Variants in CHCHD2 observed in about 807,000 individuals in gnomAD.
CHCHD2 encodes coiled-coil-helix-coiled-coil-helix domain containing 2.
In CHCHD2, 17 loss-of-function variants were observed where a neutral mutation model predicts 17.5. The ratio of observed to expected loss-of-function variants is 0.97; its 90% CI spans 0.67 to 1.46. The LOEUF (loss-of-function observed/expected upper bound fraction) is 1.46. Among genes scored for constraint, CHCHD2 ranks in the 40% most tolerant of loss-of-function variants. CHCHD2 has a pLI of 0.00. For missense variants in CHCHD2, 175 were observed against 199.9 expected (o/e 0.88, Z 0.75); for synonymous variants, 63 against 74.3 (o/e 0.85, Z 0.78).
chr7:56,103,592 C>T (rs1389483012), intron 2 of CHCHD2, among the ~76,000 whole-genome samples: 1 of 152,110 alleles, frequency 6.6e-6, no homozygotes, highest in Non-Finnish European at 1.5e-5. Flanking sequence ...CCGTTCCCAG[C>T]CAAAAGTGAA....
intron 1 of CHCHD2, among the ~76,000 whole-genome samples, chr7:56,105,872 C>A (rs1446123819): frequency 4.6e-5 from 7 of 152,186 alleles, no homozygotes; most frequent in Non-Finnish European, 8.8e-5. Flanking sequence ...TTACACATTA[C>A]AAAACAAGAC....
chr7:56,103,117 AC>A, intron 2 of CHCHD2, 106 bp from the exon 3 acceptor site: 1 of 1,077,032 alleles, frequency 9.3e-7, no homozygotes, highest in Non-Finnish European at 1.4e-6. Flanking sequence ...TGGAACTAGC[AC>A]CAGATGCTAA....
In CHCHD2 at chr7:56,103,019, G is replaced by A. The variant is rs1302551803; in HGVS notation, c.301-8C>T. 6.2e-7 allele frequency: 1 copy of A among 1,614,060 alleles called. No homozygotes were observed. The highest frequency in any genetic ancestry group is 1.3e-5 in the African/African-American group (1 of 75,038). On this transcript the variant is annotated splice_region_variant and splice_polypyrimidine_tract_variant and intron_variant, in intron 2 of 3. Coordinates refer to ENST00000395422, the MANE Select transcript of CHCHD2 (RefSeq NM_016139.4). Reference sequence around the variant, plus strand: ...CTGGGTTCCCTGAGGCTCCTGCAAAGGCAAAACATTCAACATTGCTGAGAA... The same window carrying A: ...CTGGGTTCCCTGAGGCTCCTGCAAAAGCAAAACATTCAACATTGCTGAGAA...
chr7:56,104,004 T>G (rs965008438), intron 2 of CHCHD2, among the ~76,000 whole-genome samples: 10 of 152,346 alleles, frequency 6.6e-5, no homozygotes, highest in African/African-American at 2.2e-4. Context: ...AGTGGACTGT[T>G]GTAAGTCTCC....
chr7:56,106,474 T>A lies in CHCHD2; in HGVS notation c.-61A>T. ...ACAACCACCGAAGAGCTAAGCGACTTCTGAGGAGACCGGAAGATGGGAGGC... is the reference window on the plus strand; with the variant it reads ...ACAACCACCGAAGAGCTAAGCGACTACTGAGGAGACCGGAAGATGGGAGGC... On this transcript the variant is annotated 5_prime_UTR_variant, in exon 1 of 4. Transcript: ENST00000395422. 6.5e-7 allele frequency: 1 copy of A among 1,538,360 alleles called. No individual in the cohort carries two copies. Among genetic ancestry groups the A allele is most frequent in the South Asian group, 1.1e-5 (1 of 89,262 alleles).
At chr7:56,106,316 A>T (rs765290689) in intron 1 of CHCHD2, 48 bp downstream of exon 1, 1 of 1,590,870 alleles carries the variant, frequency 6.3e-7, no homozygotes, top group Non-Finnish European at 8.6e-7. Context: ...TTGCCCCAGT[A>T]GAGTCCGGAC....
At chr7:56,104,094 A>G in intron 2 of CHCHD2, 132 bp downstream of exon 2, 1 of 1,247,294 alleles carries the variant, frequency 8.0e-7, no homozygotes, top group Non-Finnish European at 1.1e-6. Context: ...ATGTGGCTTT[A>G]AAACCCATTG....
intron 1 of CHCHD2, among the ~76,000 whole-genome samples, chr7:56,105,585 G>A (rs1785368407): frequency 6.6e-6 from 1 of 152,302 alleles, no homozygotes; most frequent in East Asian, 1.9e-4. Context: ...AGACCAGCCA[G>A]GGCCACATAA....
intron 3 of CHCHD2, 23 bp from the exon 4 acceptor site, chr7:56,101,884 T>C (rs758879060): frequency 1.2e-6 from 2 of 1,611,958 alleles, no homozygotes; most frequent in Admixed American, 1.7e-5. Flanking sequence ...AAGATTAAGT[T>C]AGAAGAATGC....
At chr7:56,105,399 C>T (rs1454591132) in intron 1 of CHCHD2, among the ~76,000 whole-genome samples, 3 of 152,188 alleles carry the variant, frequency 2.0e-5, no homozygotes, top group Non-Finnish European at 4.4e-5. Context: ...TATTAGGTAA[C>T]TACAAGGCGC....
Position 56,104,819 on chromosome 7 carries a change from T to C in CHCHD2, c.51-344A>G, listed in dbSNP as rs960542387. On this transcript the variant is annotated intron_variant, in intron 1 of 3. Transcript: ENST00000395422. ...AGACGAGGTTTCACTATGGTGACCA[T>C]GGCTGGTCTCCAGCTCCTGACCTCA... Among the ~76,000 whole-genome samples the C allele has an allele frequency of 2.6e-5, 4 of 152,192 alleles. No individual in the cohort carries two copies. In the East Asian group the frequency reaches 7.7e-4, roughly 29 times the overall value.
In CHCHD2 at chr7:56,103,022, A is replaced by G; in HGVS notation, c.301-11T>C. 6.2e-7 allele frequency: 1 copy of G among 1,614,134 alleles called. No homozygotes were observed. Among genetic ancestry groups the G allele is most frequent in the Non-Finnish European group, 8.5e-7 (1 of 1,179,972 alleles). On this transcript the variant is annotated splice_polypyrimidine_tract_variant and intron_variant, in intron 2 of 3. Coordinates refer to ENST00000395422, the MANE Select transcript of CHCHD2 (RefSeq NM_016139.4). Reference sequence around the variant, plus strand: ...GGTTCCCTGAGGCTCCTGCAAAGGCAAAACATTCAACATTGCTGAGAAAGA... The same window carrying G: ...GGTTCCCTGAGGCTCCTGCAAAGGCGAAACATTCAACATTGCTGAGAAAGA...
At chr7:56,105,055 C>A (rs868507129) in intron 1 of CHCHD2, among the ~76,000 whole-genome samples, 4 of 151,768 alleles carry the variant, frequency 2.6e-5, no homozygotes, top group Non-Finnish European at 4.4e-5. Flanking sequence ...GGATTACAGG[C>A]GCGCACCACC....
intron 3 of CHCHD2, among the ~76,000 whole-genome samples, chr7:56,102,453 G>A (rs1234012461): frequency 2.6e-5 from 4 of 151,120 alleles, no homozygotes; most frequent in Admixed American, 2.0e-4. Flanking sequence ...TGCAACCTCC[G>A]CCTCCCGGGT....
At chr7:56,104,855 C>T (rs1785355146) in intron 1 of CHCHD2, among the ~76,000 whole-genome samples, 1 of 152,090 alleles carries the variant, frequency 6.6e-6, no homozygotes, top group African/African-American at 2.4e-5. Context: ...GGTGATCCAC[C>T]CGCCTCGGAC....
chr7:56,106,472 C>T lies in CHCHD2; in HGVS notation c.-59G>A, dbSNP rs1785389860. The T allele has an allele frequency of 6.5e-7, 1 of 1,549,652 alleles. No individual in the cohort carries two copies. The highest frequency in any genetic ancestry group is 8.9e-7 in the Non-Finnish European group (1 of 1,122,844). ...GGACAACCACCGAAGAGCTAAGCGA[C>T]TTCTGAGGAGACCGGAAGATGGGAG... is the stretch of plus-strand genomic sequence containing the variant. On this transcript the variant is annotated 5_prime_UTR_variant, in exon 1 of 4. Transcript: ENST00000395422.
chr7:56,103,372 C>T (rs910401468), intron 2 of CHCHD2, among the ~76,000 whole-genome samples: 8 of 152,088 alleles, frequency 5.3e-5, no homozygotes, highest in Admixed American at 2.6e-4. Context: ...CCCAGCTACT[C>T]GGGAGGCTGA....
rs1009061907 is a variant in CHCHD2 at position 56,104,553 on chromosome 7, T to C, written c.51-78A>G. 6 of 1,352,314 alleles carry C rather than the reference T, an allele frequency of 4.4e-6. No individual in the cohort carries two copies. The African/African-American group carries it at 7.4e-5, about 17-fold the overall frequency. The allele number at this position is 1,352,314 out of a possible 1,614,324, so 83.8% of individuals were successfully genotyped here. The stretch of plus-strand genomic sequence containing the variant: ...AATTGTCAACTTAAAATAACTTACA[T>C]ATTAAAATGGACCTCAAGATTTTCA... On this transcript the variant is annotated intron_variant, in intron 1 of 3. Transcript: ENST00000395422.
chr7:56,102,348 C>CCT, intron 3 of CHCHD2, among the ~76,000 whole-genome samples: 1 of 145,120 alleles, frequency 6.9e-6, no homozygotes, highest in African/African-American at 2.5e-5. Flanking sequence ...TTTATACCTT[C>CCT]TTTTTTTTTT....
Sources: gnomAD v4.1 joint callset for allele counts (sites outside exome capture counted in the v4.1 genomes callset) on GRCh38, gnomAD v4.1.1 for gene constraint, MANE v1.5 for transcripts, NCBI Gene and HGNC (gene_info 2026-07-23, HGNC 2026-07-21) for gene names.